The following MECR variants were observed in gnomAD, a reference collection of about 807,000 sequenced individuals.
MECR encodes mitochondrial trans-2-enoyl-CoA reductase.
In MECR, 37 loss-of-function variants were observed where a neutral mutation model predicts 49.1. That is an observed-to-expected ratio of 0.75 (90% CI 0.58 to 0.99). MECR has a LOEUF of 0.99. MECR is among the 50% of genes least tolerant of loss of function. The pLI, the probability that MECR is intolerant of heterozygous loss-of-function variation, is 0.00. For synonymous variants in MECR, 198 were observed against 191.1 expected, an observed-to-expected ratio of 1.04 and a Z score of -0.30; for missense variants, 470 against 479.6, an observed-to-expected ratio of 0.98 and a Z score of 0.19.
At chr1:29,175,551 C>T in the MECR span, among the ~76,000 whole-genome samples, 2 of 149,660 alleles carry the variant, frequency 1.3e-5, no homozygotes, top group African/African-American at 4.9e-5. Flanking sequence ...AAAAATTAGC[C>T]GGGAGCGGTG....
At chr1:29,189,509 G>C (rs1163742736), downstream of MECR, among the ~76,000 whole-genome samples, 4 of 152,188 alleles carry the variant, frequency 2.6e-5, no homozygotes, top group African/African-American at 7.2e-5. Flanking sequence ...CGCTGTGCCC[G>C]GACCGTCTGA....
At chr1:29,218,015 G>T (rs1679897329) in intron 1 of MECR, among the ~76,000 whole-genome samples, 1 of 152,188 alleles carries the variant, frequency 6.6e-6, no homozygotes, top group Admixed American at 6.5e-5. Context: ...CTAGGCTTCT[G>T]TTTCTCCATT....
intron 2 of MECR, 121 bp downstream of exon 2, chr1:29,216,467 C>G (rs1473614552): frequency 1.9e-6 from 2 of 1,043,974 alleles, no homozygotes; most frequent in African/African-American, 1.6e-5. Flanking sequence ...GCAGACGGCT[C>G]ATCTGGAGAA....
chr1:29,185,058 G>C, the MECR span, among the ~76,000 whole-genome samples: 1 of 148,174 alleles, frequency 6.7e-6, no homozygotes, highest in African/African-American at 2.5e-5. Context: ...CCCAGGAGGC[G>C]GAGGCTGCAG....
chr1:29,181,552 G>A, the MECR span: 2 of 1,131,760 alleles, frequency 1.8e-6, no homozygotes, highest in South Asian at 1.6e-5. Flanking sequence ...TAGCCGCTCC[G>A]CGCGGACCAG....
intron 3 of MECR, among the ~76,000 whole-genome samples, chr1:29,208,556 A>G (rs1314879728): frequency 6.6e-6 from 1 of 152,246 alleles, no homozygotes; most frequent in Non-Finnish European, 1.5e-5. Flanking sequence ...AGTTCCAGAC[A>G]AAAGAATTCT....
the MECR span, chr1:29,173,593 CAAGTGCCACCATACCCA>C: frequency 6.9e-6 from 1 of 145,718 alleles, no homozygotes; most frequent in Non-Finnish European, 1.5e-5. Flanking sequence ...GGGATTACAG[CAAGTGCCACCATACCCA>C]GCTAATTTTT....
At chr1:29,174,607 T>A in the MECR span, among the ~76,000 whole-genome samples, 1 of 149,836 alleles carries the variant, frequency 6.7e-6, no homozygotes, top group Non-Finnish European at 1.5e-5. Context: ...ATAGTATGAT[T>A]CCAAGTTTGG....
chr1:29,218,816 A>G (rs535690945), intron 1 of MECR, among the ~76,000 whole-genome samples: 1 of 152,286 alleles, frequency 6.6e-6, no homozygotes, highest in East Asian at 1.9e-4. Context: ...AGCCCTTGTA[A>G]TAGTAATAAC....
chr1:29,204,337 C>T (rs1676044062), intron 4 of MECR, among the ~76,000 whole-genome samples: 1 of 152,066 alleles, frequency 6.6e-6, no homozygotes, highest in Non-Finnish European at 1.5e-5. Context: ...ACACAACGGG[C>T]TGAAACTAGA....
At chr1:29,196,162 C>G (rs118150259) in intron 8 of MECR, 36 bp downstream of exon 8, 1 of 1,613,106 alleles carries the variant, frequency 6.2e-7, no homozygotes, top group Non-Finnish European at 8.5e-7. Context: ...GTGTCTGGCC[C>G]GGCTCCAGGC....
At chr1:29,169,319 A>T in the MECR span, 9 of 152,210 alleles carry the variant, frequency 5.9e-5, no homozygotes, top group African/African-American at 2.2e-4. Flanking sequence ...CTATATACCA[A>T]TGAAAAGTGG....
intron 3 of MECR, among the ~76,000 whole-genome samples, chr1:29,208,234 C>T (rs1338540835): frequency 4.6e-5 from 7 of 152,206 alleles, no homozygotes; most frequent in African/African-American, 9.6e-5. Context: ...ACAGCTGATC[C>T]GCCCGCCTCG....
chr1:29,196,408 T>A, intron 7 of MECR, 150 bp from the exon 8 acceptor site: 2 of 734,818 alleles, frequency 2.7e-6, no homozygotes, highest in South Asian at 1.9e-5. Flanking sequence ...AGATTCCAGC[T>A]GGGAGCAGTG....
intron 4 of MECR, among the ~76,000 whole-genome samples, chr1:29,205,005 G>A (rs1393651139): frequency 6.6e-6 from 1 of 152,218 alleles, no homozygotes; most frequent in African/African-American, 2.4e-5. Context: ...GCTGGTATGA[G>A]AGGTGGCTTG....
At chr1:29,198,234 A>G (rs1674475989) in intron 7 of MECR, among the ~76,000 whole-genome samples, 1 of 152,172 alleles carries the variant, frequency 6.6e-6, no homozygotes, top group Non-Finnish European at 1.5e-5. Context: ...CCTGGTTCCT[A>G]ACAGGCCACG....
At chr1:29,190,798 T>TAAA (rs1196883134), downstream of MECR, among the ~76,000 whole-genome samples, 15 of 74,312 alleles carry the variant, frequency 2.0e-4, no homozygotes, top group Admixed American at 3.0e-4. Context: ...TCTCTCCAAA[T>TAAA]AAAAAAAAAA....
At chr1:29,181,282 T>C in the MECR span, among the ~76,000 whole-genome samples, 31 of 152,160 alleles carry the variant, frequency 2.0e-4, no homozygotes, top group East Asian at 1.9e-4. Flanking sequence ...GCGGGAAAGG[T>C]TGGTGTCTAC....
chr1:29,216,455 C>T, intron 2 of MECR, 133 bp downstream of exon 2: 2 of 961,080 alleles, frequency 2.1e-6, no homozygotes, highest in Non-Finnish European at 3.2e-6. Context: ...CTGACACAGC[C>T]TGCAGACGGC....
Sources: allele counts gnomAD v4.1 joint callset (sites outside exome capture counted in the v4.1 genomes callset), GRCh38; gene constraint gnomAD v4.1.1; transcripts MANE v1.5; gene names NCBI Gene and HGNC (gene_info 2026-07-23, HGNC 2026-07-21).